OXSR1: variants seen among roughly 807,000 people sequenced by gnomAD.
The protein encoded by OXSR1 is oxidative stress responsive kinase 1.
In OXSR1, 24 loss-of-function variants were observed where a neutral mutation model predicts 79.8. The ratio of observed to expected loss-of-function variants is 0.30; its 90% confidence interval spans 0.22 to 0.42. OXSR1 has a LOEUF of 0.42. OXSR1 is among the 10% of genes least tolerant of loss of function. The pLI is 1.00. For synonymous variants in OXSR1, 226 were observed against 209.2 expected, an observed-to-expected ratio of 1.08 and a Z score of -0.69; for missense variants, 430 against 618.4, an observed-to-expected ratio of 0.70 and a Z score of 3.23.
At chr3:38,204,261 TCCA>T (rs1702225903) in intron 4 of OXSR1, among the ~76,000 whole-genome samples, 1 of 152,148 alleles carries the variant, frequency 6.6e-6, no homozygotes, top group African/African-American at 2.4e-5. Context: ...CCAGGGCACG[TCCA>T]GAAATGCCAT....
At chr3:38,250,110 C>A in intron 15 of OXSR1, 92 bp downstream of exon 15, 1 of 920,822 alleles carries the variant, frequency 1.1e-6, no homozygotes, top group Non-Finnish European at 1.7e-6. Flanking sequence ...TGAAGTTTTG[C>A]TTTTAAAGGA....
intron 4 of OXSR1, among the ~76,000 whole-genome samples, chr3:38,210,413 G>A (rs773331504): frequency 9.9e-5 from 15 of 152,268 alleles, no homozygotes; most frequent in Admixed American, 3.9e-4. Flanking sequence ...TTGTTTAGGA[G>A]AATAGAATGC....
chr3:38,228,656 C>T (rs1476005812), intron 8 of OXSR1, among the ~76,000 whole-genome samples: 7 of 152,152 alleles, frequency 4.6e-5, no homozygotes, highest in Non-Finnish European at 7.4e-5. Flanking sequence ...CTGCAACCTC[C>T]GCCTCATGGG....
At chr3:38,227,270 A>AG (rs1702708145) in intron 8 of OXSR1, among the ~76,000 whole-genome samples, 1 of 152,234 alleles carries the variant, frequency 6.6e-6, no homozygotes, top group South Asian at 2.1e-4. Context: ...TAATCCTTTG[A>AG]GGATAGCACT....
chr3:38,179,900 C>A (rs1192875993), intron 1 of OXSR1, among the ~76,000 whole-genome samples: 2 of 152,130 alleles, frequency 1.3e-5, no homozygotes, highest in Non-Finnish European at 2.9e-5. Context: ...CCTCCACCTT[C>A]CGGGTTCAAG....
In OXSR1 at chr3:38,252,975, C is replaced by A; in HGVS notation, c.*84C>A. 1 of 1,088,684 alleles carries A rather than the reference C, an allele frequency of 9.2e-7. No homozygotes were observed. Among genetic ancestry groups the A allele is most frequent in the Non-Finnish European group, 1.4e-6 (1 of 712,348 alleles). The allele number at this position is 1,088,684 out of a possible 1,614,324, so 67.4% of individuals were successfully genotyped here. On this transcript the variant is annotated 3_prime_UTR_variant, in exon 18 of 18. Coordinates refer to ENST00000311806, the MANE Select transcript of OXSR1 (RefSeq NM_005109.3). ...TCTATTGGCCTAAACCCACTACTGC[C>A]AAAGAACCCAGCAACAAACCTCCCG...
chr3:38,244,637 C>CTGTGTGTGTGTGTGTG (rs112035003), intron 12 of OXSR1, among the ~76,000 whole-genome samples: 1,151 of 99,468 alleles, frequency 0.012, 21 homozygotes, highest in East Asian at 0.034. Flanking sequence ...TAATATTCCT[C>CTGTGTGTGTGTGTGTG]TGTGTGTGTG....
chr3:38,233,012 G>A (rs114563337), intron 10 of OXSR1, among the ~76,000 whole-genome samples: 3,675 of 152,074 alleles, frequency 0.024, 62 homozygotes, highest in Non-Finnish European at 0.039. Flanking sequence ...GAGAGTGAAA[G>A]TAGGGCTAAA....
intron 2 of OXSR1, among the ~76,000 whole-genome samples, chr3:38,188,458 T>C (rs762214695): frequency 3.9e-5 from 6 of 152,216 alleles, no homozygotes; most frequent in Non-Finnish European, 7.3e-5. Flanking sequence ...AATATTAATA[T>C]AACTGTAGTA....
In OXSR1 at chr3:38,250,012, G is replaced by A. The variant is rs770757632; in HGVS notation, c.1369G>A (p.Gly457Arg). ...LNDIRFEFTPGRDTAEGVSQE... is the reference protein window; with the variant it reads ...LNDIRFEFTPRRDTAEGVSQE... ...TGATATTCGATTTGAATTTACTCCT[G>A]GGAGAGGTGAGGCATCAAATGGATT... is the stretch of plus-strand genomic sequence containing the variant. Residue 457 changes from glycine (G) to arginine (R), a missense_variant, in exon 15 of 18, where the codon GGG becomes AGG. This residue lies in a region of OXSR1 where 276 missense variants were observed against 354.2 expected (regional missense o/e 0.78). Transcript: ENST00000311806. 6.3e-7 allele frequency: 1 copy of A among 1,591,672 alleles called. No individual in the cohort carries two copies. The highest frequency in any genetic ancestry group is 1.3e-5 in the African/African-American group (1 of 74,466).
At chr3:38,251,111 C>T (rs1408922312) in intron 15 of OXSR1, among the ~76,000 whole-genome samples, 11 of 152,168 alleles carry the variant, frequency 7.2e-5, no homozygotes, top group Non-Finnish European at 1.2e-4. Context: ...ATAAATCATT[C>T]TGGTTTTTTA....
intron 12 of OXSR1, among the ~76,000 whole-genome samples, chr3:38,243,958 T>C (rs1258920183): frequency 1.3e-5 from 2 of 152,220 alleles, no homozygotes; most frequent in African/African-American, 2.4e-5. Flanking sequence ...TGTCTCCTTA[T>C]TCCTGCTACC....
At position 38,223,880 on chromosome 3, in the gene OXSR1, G is replaced by A; in HGVS notation, c.669G>A (p.Gly223=). 6.2e-7 allele frequency: 1 copy of A among 1,606,682 alleles called. No homozygotes were observed. The highest frequency in any genetic ancestry group is 1.7e-5 in the Admixed American group (1 of 59,490). The change falls in exon 7 of 18, where the codon GGG becomes GGA. Residue 223 remains glycine (G), a synonymous_variant. Coordinates refer to ENST00000311806, the MANE Select transcript of OXSR1 (RefSeq NM_005109.3). Reference sequence around the variant, plus strand: ...TTACAGCAATTGAATTGGCTACAGGGGCGGCTCCTTATCATAAATATCCAC... The same window carrying A: ...TTACAGCAATTGAATTGGCTACAGGAGCGGCTCCTTATCATAAATATCCAC... ...FGITAIELAT[G]AAPYHKYPPM... is the part of the protein sequence containing the mutation.
At chr3:38,196,338 T>C (rs1415107207) in intron 3 of OXSR1, among the ~76,000 whole-genome samples, 1 of 152,174 alleles carries the variant, frequency 6.6e-6, no homozygotes, top group Non-Finnish European at 1.5e-5. Context: ...TGGAGGATTA[T>C]AAACACCGTC....
In OXSR1 at chr3:38,223,918, G is replaced by A. The variant is rs770757592; in HGVS notation, c.702+5G>A. 1 of 1,563,374 alleles carries A rather than the reference G, an allele frequency of 6.4e-7. No individual in the cohort carries two copies. The highest frequency in any genetic ancestry group is 8.8e-7 in the Non-Finnish European group (1 of 1,138,944). On this transcript the variant is annotated splice_donor_5th_base_variant and intron_variant, in intron 7 of 17. Coordinates refer to ENST00000311806, the MANE Select transcript of OXSR1 (RefSeq NM_005109.3). ...CATAAATATCCACCAATGAAGGTGA[G>A]GCTTGTATTCCAAATACTACCCCAG... is the stretch of plus-strand genomic sequence containing the variant.
intron 8 of OXSR1, among the ~76,000 whole-genome samples, chr3:38,229,409 C>G (rs1180475622): frequency 6.6e-6 from 1 of 151,764 alleles, no homozygotes; most frequent in Non-Finnish European, 1.5e-5. Context: ...ATATTAGACT[C>G]TATTAAGAAA....
At chr3:38,201,101 G>A (rs979707086) in intron 4 of OXSR1, among the ~76,000 whole-genome samples, 3 of 151,910 alleles carry the variant, frequency 2.0e-5, no homozygotes, top group African/African-American at 7.3e-5. Flanking sequence ...AAATGGGGTC[G>A]TGCTGTGTCG....
intron 4 of OXSR1, among the ~76,000 whole-genome samples, chr3:38,209,250 A>G (rs1702336018): frequency 6.6e-6 from 1 of 151,658 alleles, no homozygotes; most frequent in Non-Finnish European, 1.5e-5. Context: ...ACAGGGGCTC[A>G]CTCTGTCACT....
At chr3:38,212,243 G>A (rs1275021902) in intron 4 of OXSR1, among the ~76,000 whole-genome samples, 1 of 152,192 alleles carries the variant, frequency 6.6e-6, no homozygotes, top group Admixed American at 6.5e-5. Context: ...GGGAAGCAGA[G>A]GCAGATATTT....
Sources: gnomAD v4.1 joint callset for allele counts (sites outside exome capture counted in the v4.1 genomes callset) on GRCh38, gnomAD v4.1.1 for gene constraint, gnomAD v4.1.1 regional missense constraint, MANE v1.5 for transcripts, NCBI Gene and HGNC (gene_info 2026-07-23, HGNC 2026-07-21) for gene names.